CCDC157: variants seen among roughly 807,000 people sequenced by gnomAD.
CCDC157 encodes the protein coiled-coil domain-containing protein 157.
CCDC157 carries 60 observed loss-of-function variants against 70.9 expected under a neutral mutation model. That is an observed-to-expected ratio of 0.85 (90% CI 0.69 to 1.05). The LOEUF is 1.05. CCDC157 is among the 50% of genes least tolerant of loss of function. The probability of loss-of-function intolerance (pLI) is 0.00; values close to 1 mark genes in which losing one functional copy is unlikely to be tolerated. For missense variants in CCDC157, 943 were observed against 984.2 expected, an observed-to-expected ratio of 0.96 and a Z score of 0.56; for synonymous variants, 373 against 422.4, an observed-to-expected ratio of 0.88 and a Z score of 1.43.
At chr22:30,369,650 TC>T in intron 4 of CCDC157, 47 bp downstream of exon 4, 1 of 1,393,364 alleles carries the variant, frequency 7.2e-7, no homozygotes, top group South Asian at 1.5e-5. Context: ...AGCCTCTATC[TC>T]CCCACTGTGG....
chr22:30,371,434 C>T (rs1045658206), intron 5 of CCDC157: 1 of 583,388 alleles, frequency 1.7e-6, no homozygotes, highest in African/African-American at 1.9e-5. Flanking sequence ...GACACCAAGG[C>T]CCAGAGAGGT....
intron 7 of CCDC157, 93 bp downstream of exon 7, chr22:30,372,379 T>G: frequency 7.0e-7 from 1 of 1,420,564 alleles, no homozygotes; most frequent in South Asian, 1.5e-5. Flanking sequence ...TCATCTATAT[T>G]GGGCATCTGC....
intron 7 of CCDC157, 158 bp downstream of exon 7, chr22:30,372,444 C>G: frequency 9.5e-7 from 1 of 1,056,054 alleles, no homozygotes; most frequent in African/African-American, 1.6e-5. Context: ...AGAGTCTACC[C>G]TGAACCAGGC....
intron 6 of CCDC157, 79 bp from the exon 7 acceptor site, chr22:30,371,996 A>G: frequency 1.0e-6 from 1 of 972,988 alleles, no homozygotes; most frequent in Non-Finnish European, 1.5e-6. Flanking sequence ...CAGAGATGGG[A>G]TGTGAGCTCC....
Position 30,376,333 on chromosome 22 carries a change from G to C in CCDC157, c.1932G>C (p.Lys644Asn). ...GAGCAACACCACCAGTCCAGGCCAA[G>C]AGCACATCCCCAGGGTGAGTGAGGC... ...TQGATPPVQA[K>N]STSPGPLGRQ... is the part of the protein sequence containing the mutation. The change falls in exon 11 of 12, where the codon AAG becomes AAC. Residue 644 changes from lysine to asparagine, a missense_variant. Transcript: ENST00000338306. The C allele has an allele frequency of 6.2e-7, 1 of 1,611,518 alleles. No homozygotes were observed. The highest frequency in any genetic ancestry group is 8.5e-7 in the Non-Finnish European group (1 of 1,178,780).
intron 4 of CCDC157, 109 bp downstream of exon 4, chr22:30,369,712 C>A: frequency 1.1e-6 from 1 of 895,208 alleles, no homozygotes. Flanking sequence ...CCACTATGTG[C>A]ACCACAGCCT....
Position 30,370,860 on chromosome 22 carries a change from A to G in CCDC157, c.955A>G (p.Lys319Glu). ...GGCGGGCAAGCTGGAGCAGGCGCTG[A>G]AACAGGAGCAGGGGGCACGGCGGCG... ...KQAGKLEQAL[K>E]QEQGARRRQA... Residue 319 changes from lysine (K) to glutamate (E), a missense_variant, in exon 5 of 12, where the codon AAA becomes GAA. Lys to Glu is a moderately conservative substitution (Grantham distance 56). Transcript: ENST00000338306. 6.2e-7 allele frequency: 1 copy of G among 1,612,362 alleles called. No homozygotes were observed. Among genetic ancestry groups the G allele is most frequent in the Non-Finnish European group, 8.5e-7 (1 of 1,179,984 alleles).
Position 30,376,942 on chromosome 22 carries a change from C to T in CCDC157, c.*197C>T. On this transcript the variant is annotated 3_prime_UTR_variant, in exon 12 of 12. Coordinates refer to ENST00000338306, the MANE Select transcript of CCDC157 (RefSeq NM_001017437.5). ...TCAGTCAGTCAGCAGAGTCCTGGCA[C>T]TATGGGCCCTCAGTAAAAGGGGCCT... The T allele has an allele frequency of 4.9e-6, 3 of 610,976 alleles. No individual in the cohort carries two copies. In the South Asian group the frequency reaches 6.0e-5, roughly 12 times the overall value. 37.8% of individuals were successfully genotyped at this position (610,976 alleles called of 1,614,324 possible). A position where few individuals can be genotyped will look rare whatever the true frequency, so the allele number is the denominator to read the frequency against.
At chr22:30,375,011 T>C (rs1933247065) in intron 9 of CCDC157, 2 of 328,286 alleles carry the variant, frequency 6.1e-6, no homozygotes, top group Non-Finnish European at 1.2e-5. Flanking sequence ...CAGGCTGGAG[T>C]GCAGTGGCAC....
chr22:30,363,542 G>T (rs1387845108), intron 2 of CCDC157, among the ~76,000 whole-genome samples: 1 of 152,060 alleles, frequency 6.6e-6, no homozygotes, highest in Non-Finnish European at 1.5e-5. Context: ...CTTGCCTGAG[G>T]CCAGGAAGGG....
At position 30,366,023 on chromosome 22, in the gene CCDC157, A is replaced by C; in HGVS notation, c.23A>C (p.Gln8Pro). ...AGGATGGCGCACCTGCTGGGCAGCC[A>C]GGCCTGCATGGAGAGCCTGCGCACA... Reference protein sequence around the residue: MAHLLGSQACMESLRTDL... With the variant: MAHLLGSPACMESLRTDL... The change falls in exon 3 of 12, where the codon CAG (glutamine) becomes CCG (proline). Residue 8 changes from glutamine (Q) to proline (P), a missense_variant. Gln to Pro is a moderately conservative substitution (Grantham distance 76). Coordinates refer to ENST00000338306, the MANE Select transcript of CCDC157 (RefSeq NM_001017437.5). 1 of 1,601,152 alleles carries C rather than the reference A, an allele frequency of 6.2e-7. No individual in the cohort carries two copies. The highest frequency in any genetic ancestry group is 1.3e-5 in the African/African-American group (1 of 74,972).
chr22:30,366,263 C>T lies in CCDC157; in HGVS notation c.248+15C>T. 1.2e-6 allele frequency: 2 copies of T among 1,612,188 alleles called. No individual in the cohort carries two copies. Among genetic ancestry groups the T allele is most frequent in the Admixed American group, 3.3e-5 (2 of 60,004 alleles). ...GTCATCGACAGGTGAGGGCCTTGAC[C>T]AAGCCTGGTCATCTCAGGATGCCAG... On this transcript the variant is annotated intron_variant, in intron 3 of 11. Coordinates refer to ENST00000338306, the MANE Select transcript of CCDC157 (RefSeq NM_001017437.5).
chr22:30,371,526 C>A, intron 5 of CCDC157, 124 bp from the exon 6 acceptor site: 1 of 778,176 alleles, frequency 1.3e-6, no homozygotes, highest in Non-Finnish European at 2.2e-6. Flanking sequence ...GAGCTCCTCC[C>A]ATGGCCGCAG....
At chr22:30,363,742 G>A (rs1055903004) in intron 2 of CCDC157, among the ~76,000 whole-genome samples, 1 of 141,052 alleles carries the variant, frequency 7.1e-6, no homozygotes, top group Non-Finnish European at 1.5e-5. Context: ...AGGCTGGAGT[G>A]CAATGGCGCG....
chr22:30,358,911 T>C (rs916090139), intron 1 of CCDC157, among the ~76,000 whole-genome samples: 6 of 152,240 alleles, frequency 3.9e-5, no homozygotes, highest in Admixed American at 6.5e-5. Context: ...AAGTACTTCT[T>C]AAACTATGCT....
In CCDC157 at chr22:30,370,378, A is replaced by T. The variant is rs138178191; in HGVS notation, c.473A>T (p.Glu158Val). The T allele has an allele frequency of 6.2e-7, 1 of 1,614,010 alleles. No individual in the cohort carries two copies. Among genetic ancestry groups the T allele is most frequent in the African/African-American group, 1.3e-5 (1 of 74,928 alleles). The change falls in exon 5 of 12, where the codon GAG (glutamate) becomes GTG (valine). Residue 158 changes from glutamate to valine, a missense_variant. Transcript: ENST00000338306. ...ACCTCCAAGCCCACCACCAAGGGCG[A>T]GCCAGCCAGGAGCCCTGAATATCTG... ...TPTSKPTTKG[E>V]PARSPEYLTT...
At position 30,366,190 on chromosome 22, in the gene CCDC157, G is replaced by C; in HGVS notation, c.190G>C (p.Gly64Arg). Reference sequence around the variant, plus strand: ...GCTGGAGCACTATGACCATGTTCCGGGTGACCCCGAGTTCACGCAGCTGTC... The same window carrying C: ...GCTGGAGCACTATGACCATGTTCCGCGTGACCCCGAGTTCACGCAGCTGTC... ...ALLEHYDHVP[G>R]DPEFTQLSHA... Residue 64 changes from glycine to arginine, a missense_variant, in exon 3 of 12, where the codon GGT (glycine) becomes CGT (arginine). Coordinates refer to ENST00000338306, the MANE Select transcript of CCDC157 (RefSeq NM_001017437.5). 2 of 1,613,748 alleles carry C rather than the reference G, an allele frequency of 1.2e-6. No individual in the cohort carries two copies. Among genetic ancestry groups the C allele is most frequent in the Non-Finnish European group, 1.7e-6 (2 of 1,180,012 alleles).
chr22:30,363,744 A>G (rs1370373541), intron 2 of CCDC157, among the ~76,000 whole-genome samples: 1 of 147,226 alleles, frequency 6.8e-6, no homozygotes, highest in Non-Finnish European at 1.5e-5. Flanking sequence ...GCTGGAGTGC[A>G]ATGGCGCGAT....
chr22:30,366,511 C>T, intron 3 of CCDC157: 1 of 542,504 alleles, frequency 1.8e-6, no homozygotes, highest in South Asian at 2.1e-5. Context: ...CCATCGGTCT[C>T]TGTGGCACCA....
Sources: allele counts gnomAD v4.1 joint callset (sites outside exome capture counted in the v4.1 genomes callset), GRCh38; gene constraint gnomAD v4.1.1; transcripts MANE v1.5; gene names NCBI Gene and HGNC (gene_info 2026-07-23, HGNC 2026-07-21).